BICC1: variants seen among roughly 807,000 people sequenced by gnomAD.
The protein encoded by BICC1 is BicC family RNA binding protein 1, also known as protein bicaudal C homolog 1.
A neutral mutation model predicts 111.0 loss-of-function variants in BICC1; 43 were observed. The observed-to-expected ratio is 0.39, with a 90% CI of 0.30 to 0.50. BICC1 has a LOEUF of 0.50. BICC1 is among the 20% of genes least tolerant of loss of function. The pLI is 0.88. For missense variants in BICC1, 1,091 were observed against 1,203.2 expected, an observed-to-expected ratio of 0.91 and a Z score of 1.38; for synonymous variants, 467 against 434.4, an observed-to-expected ratio of 1.07 and a Z score of -0.93.
intron 2 of BICC1, among the ~76,000 whole-genome samples, chr10:58,680,947 T>C (rs1221047976): frequency 1.3e-5 from 2 of 152,192 alleles, no homozygotes; most frequent in Non-Finnish European, 2.9e-5. Flanking sequence ...TAATAAATGG[T>C]GTTGGGAAAA....
At chr10:58,530,501 C>G (rs1433970278) in intron 1 of BICC1, among the ~76,000 whole-genome samples, 1 of 151,640 alleles carries the variant, frequency 6.6e-6, no homozygotes, top group Admixed American at 6.6e-5. Context: ...AGATATCTAA[C>G]AAGCTCCTAG....
intron 3 of BICC1, among the ~76,000 whole-genome samples, chr10:58,753,342 A>G (rs547227164): frequency 2.0e-5 from 3 of 151,764 alleles, no homozygotes; most frequent in Admixed American, 2.0e-4. Flanking sequence ...CTGATTTTTT[A>G]TTTTTGTTAG....
intron 3 of BICC1, among the ~76,000 whole-genome samples, chr10:58,709,257 T>A (rs1673569304): frequency 6.6e-6 from 1 of 152,240 alleles, no homozygotes; most frequent in South Asian, 2.1e-4. Flanking sequence ...ATTGTTCTGT[T>A]CTCTACTTCT....
chr10:58,540,267 A>G (rs1183099182), intron 1 of BICC1, among the ~76,000 whole-genome samples: 1 of 151,344 alleles, frequency 6.6e-6, no homozygotes, highest in Non-Finnish European at 1.5e-5. Context: ...AATAAAAATT[A>G]GAGTCCAAAT....
At chr10:58,665,328 G>A (rs1253393205) in intron 2 of BICC1, among the ~76,000 whole-genome samples, 2 of 152,102 alleles carry the variant, frequency 1.3e-5, no homozygotes, top group Non-Finnish European at 2.9e-5. Context: ...TTAAGCATAA[G>A]TATTCTGTAT....
chr10:58,820,287 G>T, intron 19 of BICC1, 82 bp from the exon 20 acceptor site: 1 of 877,274 alleles, frequency 1.1e-6, no homozygotes, highest in Non-Finnish European at 1.8e-6. Context: ...TAATAAATAA[G>T]TGTGACAACA....
chr10:58,637,497 G>C (rs1837985119), intron 2 of BICC1, among the ~76,000 whole-genome samples: 1 of 152,192 alleles, frequency 6.6e-6, no homozygotes, highest in Non-Finnish European at 1.5e-5. Context: ...AACGTTTCGT[G>C]TCTCAGCCAC....
intron 3 of BICC1, among the ~76,000 whole-genome samples, chr10:58,745,685 C>T (rs1487967193): frequency 7.2e-6 from 1 of 139,380 alleles, no homozygotes; most frequent in Non-Finnish European, 1.5e-5. Flanking sequence ...CTCTCTGCTT[C>T]TTCTGCCTCC....
chr10:58,616,179 C>T (rs191731620), intron 1 of BICC1, among the ~76,000 whole-genome samples: 1 of 152,124 alleles, frequency 6.6e-6, no homozygotes, highest in African/African-American at 2.4e-5. Flanking sequence ...CAGCTGGAGA[C>T]CCCCACTCTG....
At chr10:58,538,337 G>A (rs1291031188) in intron 1 of BICC1, among the ~76,000 whole-genome samples, 1 of 151,840 alleles carries the variant, frequency 6.6e-6, no homozygotes, top group Non-Finnish European at 1.5e-5. Flanking sequence ...ACAACCAACT[G>A]ATCTTTGGCA....
intron 2 of BICC1, among the ~76,000 whole-genome samples, chr10:58,621,908 ATAG>A (rs1276919685): frequency 1.1e-5 from 1 of 92,342 alleles, no homozygotes; most frequent in Non-Finnish European, 2.1e-5. Context: ...TAAAATTAGA[ATAG>A]AATAGAATAG....
intron 17 of BICC1, among the ~76,000 whole-genome samples, chr10:58,807,757 C>A (rs1466156037): frequency 6.6e-6 from 1 of 152,094 alleles, no homozygotes; most frequent in East Asian, 1.9e-4. Flanking sequence ...AGGCTACACG[C>A]GATTCACCAA....
intron 2 of BICC1, 104 bp downstream of exon 2, chr10:58,621,005 A>C: frequency 1.1e-6 from 1 of 937,194 alleles, no homozygotes; most frequent in Non-Finnish European, 1.6e-6. Context: ...TGTGGAGGAG[A>C]ACAGGTTTCT....
intron 1 of BICC1, among the ~76,000 whole-genome samples, chr10:58,566,169 TAC>T (rs1843750816): frequency 7.9e-5 from 12 of 151,932 alleles, no homozygotes; most frequent in Non-Finnish European, 1.5e-4. Flanking sequence ...TGTGTATATA[TAC>T]ATATACACAC....
At chr10:58,617,541 T>C (rs552401204) in intron 1 of BICC1, among the ~76,000 whole-genome samples, 3 of 152,286 alleles carry the variant, frequency 2.0e-5, no homozygotes, top group Admixed American at 2.0e-4. Context: ...CTAGCTGGGG[T>C]GCTGCTATTG....
At chr10:58,807,627 T>A (rs996117184) in intron 17 of BICC1, among the ~76,000 whole-genome samples, 4 of 152,196 alleles carry the variant, frequency 2.6e-5, no homozygotes, top group African/African-American at 4.8e-5. Context: ...AAGAAGTATC[T>A]GAAACAAGTG....
At chr10:58,766,334 A>ATG (rs1842455126) in intron 3 of BICC1, among the ~76,000 whole-genome samples, 1 of 152,200 alleles carries the variant, frequency 6.6e-6, no homozygotes, top group African/African-American at 2.4e-5. Context: ...AACTTGATGG[A>ATG]ATAACATATT....
chr10:58,716,985 A>G (rs1317127711), intron 3 of BICC1, among the ~76,000 whole-genome samples: 1 of 151,858 alleles, frequency 6.6e-6, no homozygotes, highest in Non-Finnish European at 1.5e-5. Context: ...CATTTGCAGC[A>G]TGAGAAAGCC....
chr10:58,522,543 TACATTC>T (rs755074855), intron 1 of BICC1, among the ~76,000 whole-genome samples: 79 of 152,184 alleles, frequency 5.2e-4, no homozygotes, highest in Admixed American at 5.9e-4. Flanking sequence ...ATCTCTGGGA[TACATTC>T]AAAGCAGTGT....
Sources: gnomAD v4.1 joint callset for allele counts (sites outside exome capture counted in the v4.1 genomes callset) on GRCh38, gnomAD v4.1.1 for gene constraint, MANE v1.5 for transcripts, NCBI Gene and HGNC (gene_info 2026-07-23, HGNC 2026-07-21) for gene names.